Variants in SETBP1 observed in about 807,000 individuals in gnomAD.
SETBP1 encodes the protein SET binding protein 1.
Under a neutral mutation model 101.0 loss-of-function variants are expected in SETBP1, and 9 were observed. That is an observed-to-expected ratio of 0.09 (90% CI 0.05 to 0.16). The LOEUF (loss-of-function observed/expected upper bound fraction) is 0.16. Among genes scored for constraint, SETBP1 ranks in the 10% least tolerant of loss-of-function variants. SETBP1 has a pLI of 1.00. For missense variants in SETBP1, 1,858 were observed against 2,033.8 expected, an observed-to-expected ratio of 0.91 and a Z score of 1.66; for synonymous variants, 818 against 788.5, an observed-to-expected ratio of 1.04 and a Z score of -0.63.
intron 2 of SETBP1, among the ~76,000 whole-genome samples, chr18:44,742,969 CT>C (rs778024954): frequency 0.074 from 10,201 of 138,122 alleles, 415 homozygotes; most frequent in East Asian, 0.13. Context: ...CTCTCTCTCT[CT>C]CCCCCCCTGT....
At chr18:44,716,148 C>T (rs983132764) in intron 2 of SETBP1, among the ~76,000 whole-genome samples, 4 of 152,002 alleles carry the variant, frequency 2.6e-5, no homozygotes, top group Non-Finnish European at 5.9e-5. Context: ...CTGGGTTTGG[C>T]GAAAGGCTGG....
At chr18:44,753,132 T>C (rs1258169600) in intron 2 of SETBP1, among the ~76,000 whole-genome samples, 1 of 152,188 alleles carries the variant, frequency 6.6e-6, no homozygotes, top group Non-Finnish European at 1.5e-5. Flanking sequence ...ACTTTGCTTG[T>C]AGATTATTTC....
chr18:45,062,569 C>T (rs1190466732), intron 5 of SETBP1, among the ~76,000 whole-genome samples: 1 of 152,122 alleles, frequency 6.6e-6, no homozygotes, highest in East Asian at 1.9e-4. Context: ...TCTATGAGAT[C>T]GATAGTACAT....
At chr18:44,846,774 A>G (rs897155214) in intron 2 of SETBP1, among the ~76,000 whole-genome samples, 2 of 152,224 alleles carry the variant, frequency 1.3e-5, no homozygotes, top group Non-Finnish European at 2.9e-5. Context: ...ATACTTACCA[A>G]TTAGCCCTAA....
Position 45,019,756 on chromosome 18 carries a change from A to C in SETBP1, c.4001-18729A>C, listed in dbSNP as rs185737666. Among the ~76,000 whole-genome samples the C allele has an allele frequency of 3.5e-4, 54 of 152,272 alleles. 1 individual carries two copies. In the East Asian group the frequency reaches 9.6e-3, roughly 27 times the overall value. ...ACCTGTTTGAACCCAGGGCTAACTA[A>C]ACAGAATTAAGAAACAAGCCATTTG... On this transcript the variant is annotated intron_variant, in intron 4 of 5. Transcript: ENST00000649279.
intron 4 of SETBP1, among the ~76,000 whole-genome samples, chr18:44,992,300 T>C (rs980859314): frequency 2.0e-5 from 3 of 151,984 alleles, no homozygotes; most frequent in Non-Finnish European, 1.5e-5. Context: ...GTAGAGAGGA[T>C]CAATAAAGCC....
intron 1 of SETBP1, among the ~76,000 whole-genome samples, chr18:44,689,554 G>A (rs2068895111): frequency 6.6e-6 from 1 of 152,214 alleles, no homozygotes; most frequent in Non-Finnish European, 1.5e-5. Flanking sequence ...AAGAGATGGA[G>A]TGAAAGATGC....
chr18:44,966,344 T>G (rs1207428179), intron 4 of SETBP1, among the ~76,000 whole-genome samples: 2 of 152,142 alleles, frequency 1.3e-5, no homozygotes, highest in Non-Finnish European at 2.9e-5. Flanking sequence ...CTTACCTGAG[T>G]GTGCAATCAC....
chr18:45,048,978 C>CAAAAAAAAAAAAAAAAAAA (rs71177665), intron 5 of SETBP1, among the ~76,000 whole-genome samples: 3 of 46,636 alleles, frequency 6.4e-5, no homozygotes, highest in Non-Finnish European at 1.2e-4. Context: ...GACTCCGTCT[C>CAAAAAAAAAAAAAAAAAAA]AAAAAAAAAA....
chr18:44,873,596 T>C (rs1347554952), intron 3 of SETBP1, among the ~76,000 whole-genome samples: 1 of 151,756 alleles, frequency 6.6e-6, no homozygotes, highest in African/African-American at 2.4e-5. Context: ...AGGGGAAGCA[T>C]GGAGGAAGGC....
chr18:44,733,004 G>GA (rs111755481), intron 2 of SETBP1: 70 of 149,048 alleles, frequency 4.7e-4, no homozygotes, highest in East Asian at 3.0e-3. Flanking sequence ...TTTGGGCCAG[G>GA]AAAAAAAAAA....
intron 2 of SETBP1, among the ~76,000 whole-genome samples, chr18:44,864,493 A>G (rs1278589424): frequency 1.3e-5 from 2 of 152,132 alleles, no homozygotes; most frequent in African/African-American, 2.4e-5. Context: ...CAAGAGAGAA[A>G]CTGCAGCTCC....
At chr18:44,798,669 C>A (rs1413066547) in intron 2 of SETBP1, among the ~76,000 whole-genome samples, 3 of 152,170 alleles carry the variant, frequency 2.0e-5, no homozygotes, top group Admixed American at 1.3e-4. Context: ...TATAAGGAAA[C>A]CTCTACTCTT....
chr18:44,741,851 C>T (rs1343680888), intron 2 of SETBP1, among the ~76,000 whole-genome samples: 1 of 152,218 alleles, frequency 6.6e-6, no homozygotes, highest in Non-Finnish European at 1.5e-5. Context: ...CCCTCACTAA[C>T]CCTCAGTGCT....
At chr18:44,786,721 G>A (rs2071246304) in intron 2 of SETBP1, among the ~76,000 whole-genome samples, 1 of 152,156 alleles carries the variant, frequency 6.6e-6, no homozygotes, top group African/African-American at 2.4e-5. Flanking sequence ...GTTAAACATT[G>A]CCTGAATATT....
intron 4 of SETBP1, among the ~76,000 whole-genome samples, chr18:45,021,997 A>T (rs554330781): frequency 6.6e-6 from 1 of 152,204 alleles, no homozygotes; most frequent in African/African-American, 2.4e-5. Flanking sequence ...CGAGTTAACT[A>T]TGCCCTACTG....
chr18:44,850,818 G>T (rs2072839361), intron 2 of SETBP1, among the ~76,000 whole-genome samples: 1 of 152,188 alleles, frequency 6.6e-6, no homozygotes, highest in Admixed American at 6.5e-5. Flanking sequence ...CACTGACCAT[G>T]TCAAAATTAA....
rs541397156 is a variant in SETBP1, at chr18:44,843,442, G to T, written c.487-25788G>T. Among the ~76,000 whole-genome samples the T allele has an allele frequency of 1.4e-4, 21 of 152,292 alleles. No individual in the cohort carries two copies. In the South Asian group the frequency reaches 4.3e-3, roughly 32 times the overall value. ...CCCAGATGACCCACTGCCCTCACAG[G>T]ACTTGTGTGAACGTGCAGCCTCTCT... On this transcript the variant is annotated intron_variant, in intron 2 of 5. Transcript: ENST00000649279.
intron 4 of SETBP1, among the ~76,000 whole-genome samples, chr18:45,001,055 T>C (rs1425087938): frequency 6.7e-6 from 1 of 149,392 alleles, no homozygotes; most frequent in African/African-American, 2.5e-5. Context: ...CATTTGCTCA[T>C]TCATTCATTC....
Sources: allele counts gnomAD v4.1 joint callset (sites outside exome capture counted in the v4.1 genomes callset), GRCh38; gene constraint gnomAD v4.1.1; transcripts MANE v1.5; gene names NCBI Gene and HGNC (gene_info 2026-07-23, HGNC 2026-07-21).